Variants in ASAP2 observed in about 807,000 individuals in gnomAD.
The protein encoded by ASAP2 is arf-GAP with SH3 domain, ANK repeat and PH domain-containing protein 2.
In ASAP2, 45 loss-of-function variants were observed where a neutral mutation model predicts 131.4. The ratio of observed to expected loss-of-function variants is 0.34; its 90% CI spans 0.27 to 0.44. The LOEUF (loss-of-function observed/expected upper bound fraction) is 0.44, where lower values mean the gene tolerates loss of function less well. ASAP2 is among the 20% of genes least tolerant of loss of function. The pLI, the probability that ASAP2 is intolerant of heterozygous loss-of-function variation, is 1.00. For synonymous variants in ASAP2, 510 were observed against 503.0 expected (o/e 1.01, Z -0.19); for missense variants, 1,011 against 1,297.0 (o/e 0.78, Z 3.39).
At chr2:9,263,745 G>A (rs1389575394) in intron 1 of ASAP2, among the ~76,000 whole-genome samples, 1 of 152,148 alleles carries the variant, frequency 6.6e-6, no homozygotes, top group Non-Finnish European at 1.5e-5. Context: ...AGCTACATGG[G>A]TTCTTTTCTC....
intron 15 of ASAP2, 59 bp downstream of exon 15, chr2:9,358,948 C>T: frequency 6.5e-7 from 1 of 1,549,060 alleles, no homozygotes; most frequent in Non-Finnish European, 8.8e-7. Context: ...CTAAATTTTA[C>T]TTTTGGCATT....
rs116139429 is a variant in ASAP2, at chr2:9,302,266, G to A, written c.345+4821G>A. 6.8e-3 allele frequency among the ~76,000 whole-genome samples: 985 copies of A among 145,232 alleles called. 14 individuals carry two copies. The highest frequency in any genetic ancestry group is 0.024 in the African/African-American group (940 of 38,672). ...TGGCTCACTGCAGCCTCTGCCTCTCGCGTTCAAGCGATCCTTCTGCCTCAG... is the reference window on the plus strand; with the variant it reads ...TGGCTCACTGCAGCCTCTGCCTCTCACGTTCAAGCGATCCTTCTGCCTCAG... On this transcript the variant is annotated intron_variant, in intron 3 of 27. Coordinates refer to ENST00000281419, the MANE Select transcript of ASAP2 (RefSeq NM_003887.3).
chr2:9,378,404 G>A, intron 18 of ASAP2, among the ~76,000 whole-genome samples: 1 of 152,216 alleles, frequency 6.6e-6, no homozygotes, highest in East Asian at 1.9e-4. Flanking sequence ...GGTATTCCCA[G>A]GGCAAACAGG....
At chr2:9,210,981 C>G (rs543835421) in intron 1 of ASAP2, among the ~76,000 whole-genome samples, 2 of 151,894 alleles carry the variant, frequency 1.3e-5, no homozygotes, top group Non-Finnish European at 2.9e-5. Context: ...CATGGAGAAA[C>G]CCTGTCTCTA....
At chr2:9,297,513 T>C (rs1476179591) in intron 3 of ASAP2, 68 bp downstream of exon 3, 2 of 1,566,710 alleles carry the variant, frequency 1.3e-6, no homozygotes, top group Non-Finnish European at 1.7e-6. Flanking sequence ...AGAGGATAGT[T>C]ATGGTTTGTT....
intron 11 of ASAP2, among the ~76,000 whole-genome samples, chr2:9,345,681 C>T (rs1671918636): frequency 6.6e-6 from 1 of 152,036 alleles, no homozygotes. Context: ...AGCCAGCAGC[C>T]TTGGGCGTGT....
intron 1 of ASAP2, among the ~76,000 whole-genome samples, chr2:9,213,206 G>C (rs772794874): frequency 6.6e-5 from 10 of 152,232 alleles, no homozygotes; most frequent in Non-Finnish European, 1.3e-4. Flanking sequence ...GAGCAGGCTG[G>C]AATGCAGAGA....
At chr2:9,271,039 T>C (rs2666210) in intron 1 of ASAP2, among the ~76,000 whole-genome samples, 127,347 of 151,330 alleles carry the variant, frequency 0.84, 54,196 homozygotes, top group Non-Finnish European at 0.91. Flanking sequence ...GTGATCCACC[T>C]GCCTCGGCCT....
chr2:9,219,842 T>C (rs1041531082), intron 1 of ASAP2, among the ~76,000 whole-genome samples: 1 of 152,192 alleles, frequency 6.6e-6, no homozygotes, highest in African/African-American at 2.4e-5. Flanking sequence ...AGAAACCCCA[T>C]ACCCATTAGG....
At chr2:9,345,203 G>A (rs1223899210) in intron 11 of ASAP2, among the ~76,000 whole-genome samples, 1 of 151,970 alleles carries the variant, frequency 6.6e-6, no homozygotes, top group Non-Finnish European at 1.5e-5. Flanking sequence ...CACTTAGGAA[G>A]ATTTCTACTT....
intron 1 of ASAP2, chr2:9,271,453 G>C: frequency 1.4e-6 from 2 of 1,403,448 alleles, no homozygotes. Flanking sequence ...CGCCTTCACT[G>C]GTTTCTTTTT....
intron 7 of ASAP2, 106 bp downstream of exon 7, chr2:9,328,017 A>T (rs1368494177): frequency 2.6e-6 from 2 of 773,046 alleles, no homozygotes; most frequent in East Asian, 3.0e-5. Flanking sequence ...AGAAGTCTAT[A>T]GTAAAGGGAA....
chr2:9,259,892 A>C (rs1281608179), intron 1 of ASAP2, among the ~76,000 whole-genome samples: 1 of 152,242 alleles, frequency 6.6e-6, no homozygotes, highest in Non-Finnish European at 1.5e-5. Context: ...AGTGTCCTGC[A>C]TAGTCCTTGG....
rs539092615 is a variant in ASAP2 at position 9,392,940 on chromosome 2, A to T, written c.2519-542A>T. Reference sequence around the variant, plus strand: ...AGAGCTCTTCCCCTCCGTGGGCCTCAGCCTCCTTGTCTGTAAAACGTAGAC... The same window carrying T: ...AGAGCTCTTCCCCTCCGTGGGCCTCTGCCTCCTTGTCTGTAAAACGTAGAC... On this transcript the variant is annotated intron_variant, in intron 23 of 27. Transcript: ENST00000281419. This position sits in a 1 kb window ranked among gnomAD's most constrained non-coding sequence, Gnocchi z 4.0. Among the ~76,000 whole-genome samples the T allele has an allele frequency of 5.8e-4, 88 of 152,298 alleles. 1 individual carries two copies. Among genetic ancestry groups the T allele is most frequent in the African/African-American group, 2.0e-3 (84 of 41,556 alleles).
intron 1 of ASAP2, among the ~76,000 whole-genome samples, chr2:9,240,536 G>A (rs1236507621): frequency 2.0e-5 from 3 of 152,038 alleles, no homozygotes; most frequent in Non-Finnish European, 2.9e-5. Context: ...GTGAGCCACC[G>A]TGCCCAGCCC....
chr2:9,359,283 A>G (rs1286125197), intron 15 of ASAP2, among the ~76,000 whole-genome samples: 1 of 152,256 alleles, frequency 6.6e-6, no homozygotes, highest in Admixed American at 6.5e-5. Flanking sequence ...TGTGGTGACA[A>G]CTTGCCTCAA....
intron 2 of ASAP2, among the ~76,000 whole-genome samples, chr2:9,294,766 C>T (rs960073731): frequency 2.0e-5 from 3 of 152,196 alleles, no homozygotes; most frequent in African/African-American, 7.2e-5. Context: ...AGCTTCTCTC[C>T]TGCTGGGCTT....
intron 2 of ASAP2, among the ~76,000 whole-genome samples, chr2:9,296,056 A>G (rs1014642113): frequency 3.4e-4 from 52 of 152,264 alleles, no homozygotes; most frequent in African/African-American, 1.2e-3. Flanking sequence ...AGGGGCTTTC[A>G]GGATCTGTCC....
intron 1 of ASAP2, among the ~76,000 whole-genome samples, chr2:9,220,896 C>G (rs1046750825): frequency 3.3e-5 from 5 of 152,110 alleles, no homozygotes; most frequent in African/African-American, 4.8e-5. Flanking sequence ...TGTCCTGGCA[C>G]CATTTCTTGG....
Sources: gnomAD v4.1 joint callset for allele counts (sites outside exome capture counted in the v4.1 genomes callset) on GRCh38, gnomAD v4.1.1 for gene constraint, Gnocchi (gnomAD v3.1) non-coding constraint, MANE v1.5 for transcripts, NCBI Gene and HGNC (gene_info 2026-07-23, HGNC 2026-07-21) for gene names.